The following CHD6 variants were observed in gnomAD, a reference collection of about 807,000 sequenced individuals.
CHD6 encodes ATP-dependent chromatin remodeler CHD6.
A neutral mutation model predicts 276.9 loss-of-function variants in CHD6; 50 were observed. That is an observed-to-expected ratio of 0.18 (90% CI 0.14 to 0.23). CHD6 has a LOEUF of 0.23. Among genes scored for constraint, CHD6 ranks in the 10% least tolerant of loss-of-function variants. The pLI is 1.00. For synonymous variants in CHD6, 1,173 were observed against 1,229.3 expected (o/e 0.95, Z 0.96); for missense variants, 2,564 against 3,365.8 (o/e 0.76, Z 5.89).
intron 36 of CHD6, among the ~76,000 whole-genome samples, chr20:41,409,843 A>G (rs909224053): frequency 6.6e-6 from 1 of 152,238 alleles, no homozygotes; most frequent in Non-Finnish European, 1.5e-5. Flanking sequence ...TTTACTGTCA[A>G]ATGGCCCAGC....
chr20:41,427,997 G>T (rs761024), intron 27 of CHD6, among the ~76,000 whole-genome samples: 72,884 of 151,986 alleles, frequency 0.48, 20,318 homozygotes, highest in African/African-American at 0.77. Context: ...ATGTTCCTTC[G>T]TGCCATGTAG....
chr20:41,468,073 C>A (rs1305004561), intron 17 of CHD6, among the ~76,000 whole-genome samples: 5 of 150,744 alleles, frequency 3.3e-5, no homozygotes, highest in Non-Finnish European at 7.4e-5. Flanking sequence ...TCCTAGACCA[C>A]TCTTTCTAAA....
chr20:41,442,927 G>C (rs780138365), intron 25 of CHD6, among the ~76,000 whole-genome samples: 44 of 152,212 alleles, frequency 2.9e-4, no homozygotes, highest in Non-Finnish European at 4.1e-4. Flanking sequence ...GCCCTATGCA[G>C]AGTCTGCATT....
Position 41,533,612 on chromosome 20 carries a change from A to G in CHD6, c.34-42T>C, listed in dbSNP as rs550610463. 4.6e-6 allele frequency: 7 copies of G among 1,514,412 alleles called. No homozygotes were observed. The African/African-American group carries it at 9.7e-5, about 21-fold the overall frequency. The allele number at this position is 1,514,412 out of a possible 1,614,324, so 93.8% of individuals were successfully genotyped here. ...AACAAGCATATTACCCTTCCAATTC[A>G]TGCTTCAGACAAAGAGAGTTACCCA... On this transcript the variant is annotated intron_variant, in intron 2 of 36. Coordinates refer to ENST00000373233, the MANE Select transcript of CHD6 (RefSeq NM_032221.5).
intron 8 of CHD6, among the ~76,000 whole-genome samples, chr20:41,495,946 A>G (rs1005796088): frequency 6.6e-6 from 1 of 152,214 alleles, no homozygotes; most frequent in Non-Finnish European, 1.5e-5. Context: ...GTTTGACTGC[A>G]GAGCCCAGGC....
At chr20:41,416,162 A>G (rs769218268) in intron 33 of CHD6, among the ~76,000 whole-genome samples, 2 of 152,144 alleles carry the variant, frequency 1.3e-5, no homozygotes, top group Non-Finnish European at 2.9e-5. Context: ...ATCAGCTTCC[A>G]TTGTTAGAGC....
intron 10 of CHD6, among the ~76,000 whole-genome samples, chr20:41,492,679 T>C (rs2043583850): frequency 6.6e-6 from 1 of 152,252 alleles, no homozygotes; most frequent in African/African-American, 2.4e-5. Flanking sequence ...TCCCAGCACT[T>C]TGGGAGGCCA....
chr20:41,452,727 A>C lies in CHD6; in HGVS notation c.3323+13T>G. The C allele has an allele frequency of 6.2e-7, 1 of 1,610,894 alleles. No homozygotes were observed. ...CAACAATAACAACAAAACTAAGCAGAGCCAATACCCACCCAAAGATGAGCA... is the reference window on the plus strand; with the variant it reads ...CAACAATAACAACAAAACTAAGCAGCGCCAATACCCACCCAAAGATGAGCA... On this transcript the variant is annotated intron_variant, in intron 21 of 36. Coordinates refer to ENST00000373233, the MANE Select transcript of CHD6 (RefSeq NM_032221.5). This position sits in a 1 kb window ranked among gnomAD's most constrained non-coding sequence, Gnocchi z 4.2.
intron 29 of CHD6, among the ~76,000 whole-genome samples, chr20:41,424,200 C>T (rs766749025): frequency 1.3e-5 from 2 of 152,196 alleles, no homozygotes; most frequent in Non-Finnish European, 2.9e-5. Context: ...TGACACAACC[C>T]CTGCCTCCCC....
At chr20:41,496,012 C>G (rs1199001690) in intron 8 of CHD6, among the ~76,000 whole-genome samples, 1 of 152,228 alleles carries the variant, frequency 6.6e-6, no homozygotes, top group Non-Finnish European at 1.5e-5. Flanking sequence ...CATGACAGTC[C>G]TCTTGCAGCT....
At chr20:41,457,532 C>T in intron 17 of CHD6, 104 bp from the exon 18 acceptor site, 1 of 1,318,800 alleles carries the variant, frequency 7.6e-7, no homozygotes, top group Non-Finnish European at 1.0e-6. Flanking sequence ...GAGTGGCCAA[C>T]TCTCGGTTAC....
At chr20:41,461,634 CTTCT>C (rs1443584872) in intron 17 of CHD6, 1 of 152,882 alleles carries the variant, frequency 6.5e-6, no homozygotes, top group African/African-American at 2.4e-5. Flanking sequence ...TCCAATTAAA[CTTCT>C]TTTTCGTCCC....
In CHD6 at chr20:41,402,948, G is replaced by A. The variant is rs1217444895; in HGVS notation, c.*1645C>T. ...TATAGAATTTCTGGTTTATATCTCTGATTCATAAAACTGGGACTCCACTTT... is the reference window on the plus strand; with the variant it reads ...TATAGAATTTCTGGTTTATATCTCTAATTCATAAAACTGGGACTCCACTTT... On this transcript the variant is annotated 3_prime_UTR_variant, in exon 37 of 37. Transcript: ENST00000373233. 4.8e-6 allele frequency: 1 copy of A among 206,940 alleles called. No individual in the cohort carries two copies. Among genetic ancestry groups the A allele is most frequent in the Non-Finnish European group, 9.9e-6 (1 of 101,224 alleles). The allele number at this position is 206,940 out of a possible 1,614,324, so 12.8% of individuals were successfully genotyped here.
chr20:41,404,288 G>A lies in CHD6; in HGVS notation c.*305C>T, dbSNP rs2046607546. 3.6e-6 allele frequency: 4 copies of A among 1,110,666 alleles called. No homozygotes were observed. The highest frequency in any genetic ancestry group is 3.3e-6 in the Non-Finnish European group (3 of 910,480). The allele number at this position is 1,110,666 out of a possible 1,614,324, so 68.8% of individuals were successfully genotyped here. A position where few individuals can be genotyped will look rare whatever the true frequency, so the allele number is the denominator to read the frequency against. On this transcript the variant is annotated 3_prime_UTR_variant, in exon 37 of 37. Transcript: ENST00000373233. ...CCATTTTTCCTCCTCAAGTGAGTGG[G>A]AAACTTGGAAGAGAAGGGGGTAGGG...
intron 30 of CHD6, among the ~76,000 whole-genome samples, chr20:41,422,848 G>A (rs983054703): frequency 2.0e-5 from 3 of 152,172 alleles, no homozygotes; most frequent in African/African-American, 7.2e-5. Flanking sequence ...CCATATAGGA[G>A]GCAAAGGCTG....
At chr20:41,531,514 T>C (rs2044684060) in intron 3 of CHD6, among the ~76,000 whole-genome samples, 1 of 152,236 alleles carries the variant, frequency 6.6e-6, no homozygotes, top group East Asian at 1.9e-4. Flanking sequence ...GACTAGAGTA[T>C]GCTCACTAGG....
intron 1 of CHD6, among the ~76,000 whole-genome samples, chr20:41,590,945 G>A (rs2045651071): frequency 6.6e-6 from 1 of 151,058 alleles, no homozygotes; most frequent in South Asian, 2.1e-4. Context: ...CAATAGCAAA[G>A]ATTTGGAACC....
chr20:41,597,958 A>G (rs2045735370), intron 1 of CHD6, among the ~76,000 whole-genome samples: 1 of 152,198 alleles, frequency 6.6e-6, no homozygotes, highest in Middle Eastern at 3.4e-3. Context: ...AAATTCTGTT[A>G]ACTGGGAATC....
chr20:41,491,814 C>G lies in CHD6; in HGVS notation c.1320G>C (p.Arg440=). 6.2e-7 allele frequency: 1 copy of G among 1,613,764 alleles called. No individual in the cohort carries two copies. The highest frequency in any genetic ancestry group is 8.5e-7 in the Non-Finnish European group (1 of 1,179,762). ...QVLPEIKHVE[R]PASDSWQKLE... is the part of the protein sequence containing the mutation. ...GTTTCTGCCAGGAGTCTGAAGCAGG[C>G]CGCTCCTAGGGAGGAAAGCAAACAG... is the stretch of plus-strand genomic sequence containing the variant. The change falls in exon 11 of 37, where the codon CGG becomes CGC. Residue 440 remains arginine, a synonymous_variant. Transcript: ENST00000373233.
Sources: allele counts gnomAD v4.1 joint callset (sites outside exome capture counted in the v4.1 genomes callset), GRCh38; gene constraint gnomAD v4.1.1; non-coding constraint Gnocchi (gnomAD v3.1); transcripts MANE v1.5; gene names NCBI Gene and HGNC (gene_info 2026-07-23, HGNC 2026-07-21).